Variants in ESRP1 observed in about 807,000 individuals in gnomAD.
The protein encoded by ESRP1 is epithelial splicing regulatory protein 1.
A neutral mutation model predicts 81.7 loss-of-function variants in ESRP1; 33 were observed. The observed-to-expected ratio is 0.40, with a 90% CI of 0.31 to 0.54. The LOEUF (loss-of-function observed/expected upper bound fraction) is 0.54. Ranked by LOEUF, ESRP1 falls within the 20% of genes least tolerant of loss-of-function variation. The pLI is 0.41. For synonymous variants in ESRP1, 320 were observed against 303.3 expected (o/e 1.06, Z -0.57); for missense variants, 672 against 833.1 (o/e 0.81, Z 2.38).
In ESRP1 at chr8:94,705,325, G is replaced by A. The variant is rs995275838; in HGVS notation, c.*36-600G>A. Among the ~76,000 whole-genome samples, 21 of 151,716 alleles carry A rather than the reference G, an allele frequency of 1.4e-4. 1 individual carries two copies. Among genetic ancestry groups the A allele is most frequent in the African/African-American group, 4.4e-4 (18 of 41,336 alleles). ...TGGGAATATAGGCACACACCACTAC[G>A]CCCAGCTAATTTTTGTATTTTTAGT... On this transcript the variant is annotated intron_variant, in intron 15 of 15. Coordinates refer to ENST00000433389, the MANE Select transcript of ESRP1 (RefSeq NM_017697.4).
intron 13 of ESRP1, among the ~76,000 whole-genome samples, chr8:94,686,623 T>C (rs1468440106): frequency 6.6e-6 from 1 of 152,254 alleles, no homozygotes; most frequent in Non-Finnish European, 1.5e-5. Flanking sequence ...CTTGGTCATT[T>C]GTCCCTAACC....
intron 10 of ESRP1, among the ~76,000 whole-genome samples, chr8:94,669,134 G>A (rs1202560946): frequency 6.6e-6 from 1 of 152,158 alleles, no homozygotes; most frequent in Non-Finnish European, 1.5e-5. Context: ...TCCTCAAAAT[G>A]TACTAAGATC....
intron 13 of ESRP1, among the ~76,000 whole-genome samples, chr8:94,682,118 GC>G (rs1808914619): frequency 6.6e-6 from 1 of 152,076 alleles, no homozygotes; most frequent in Non-Finnish European, 1.5e-5. Flanking sequence ...ATTTAGAAGG[GC>G]TTTCTATTTG....
chr8:94,664,120 C>CTTTTTTTT (rs755384250), intron 6 of ESRP1, among the ~76,000 whole-genome samples: 8 of 98,542 alleles, frequency 8.1e-5, no homozygotes, highest in Admixed American at 2.2e-4. Flanking sequence ...ATTTCCTCAG[C>CTTTTTTTT]TTTTTTTTTT....
At chr8:94,705,156 C>CTTTTTTTTTTTTTTTTTTTTTTTTTT (rs57801249) in intron 15 of ESRP1, among the ~76,000 whole-genome samples, 3 of 90,558 alleles carry the variant, frequency 3.3e-5, no homozygotes, top group African/African-American at 1.3e-4. Flanking sequence ...TGCCTTATTG[C>CTTTTTTTTTTTTTTTTTTTTTTTTTT]TTTTTTTTTT....
chr8:94,702,026 T>A (rs1237683803), intron 15 of ESRP1, among the ~76,000 whole-genome samples: 1 of 152,176 alleles, frequency 6.6e-6, no homozygotes, highest in East Asian at 1.9e-4. Flanking sequence ...TGCGGTGAGC[T>A]GTCATCGTGC....
intron 13 of ESRP1, 87 bp from the exon 14 acceptor site, chr8:94,692,590 T>G: frequency 7.0e-7 from 1 of 1,432,106 alleles, no homozygotes; most frequent in South Asian, 1.4e-5. Context: ...CTTGAGAAAT[T>G]CTGTTTCCTT....
rs1378528895 is a variant in ESRP1, at chr8:94,689,014, G to T, written c.1821-3663G>T. ...GCCTGTAATCCCAACACTTTGAGAG[G>T]CCGAGGTGGGCAGATCACTTGAAGC... On this transcript the variant is annotated intron_variant, in intron 13 of 15. Transcript: ENST00000433389. Among the ~76,000 whole-genome samples the T allele has an allele frequency of 3.3e-5, 5 of 152,182 alleles. No homozygotes were observed. The East Asian group carries it at 9.7e-4, about 29-fold the overall frequency.
chr8:94,668,545 T>C (rs1819137319), intron 10 of ESRP1, among the ~76,000 whole-genome samples: 1 of 152,204 alleles, frequency 6.6e-6, no homozygotes, highest in African/African-American at 2.4e-5. Flanking sequence ...TCTTTAAATA[T>C]CTCATGGAAG....
chr8:94,646,059 A>AT (rs149099719), intron 3 of ESRP1, 109 bp from the exon 4 acceptor site: 387,551 of 570,344 alleles, frequency 0.68, 136,416 homozygotes, highest in South Asian at 0.81. Context: ...TAAATTTTAA[A>AT]TTTTTCCATT....
At chr8:94,649,905 C>T (rs186146057) in intron 4 of ESRP1, among the ~76,000 whole-genome samples, 181 of 152,274 alleles carry the variant, frequency 1.2e-3, no homozygotes, top group Admixed American at 3.3e-3. Flanking sequence ...CACATACATA[C>T]ACACTCTCAC....
chr8:94,664,864 C>T, intron 7 of ESRP1, 57 bp downstream of exon 7: 1 of 1,608,554 alleles, frequency 6.2e-7, no homozygotes, highest in South Asian at 1.1e-5. Context: ...AATGGATTTT[C>T]TATCTTTTTT....
intron 12 of ESRP1, among the ~76,000 whole-genome samples, chr8:94,676,369 A>G (rs920142590): frequency 1.3e-5 from 2 of 148,978 alleles, no homozygotes; most frequent in Non-Finnish European, 3.0e-5. Context: ...AAAAAAAGCT[A>G]TCCTTTTGTT....
chr8:94,642,060 G>T lies in ESRP1; in HGVS notation c.237G>T (p.Ser79=). The T allele has an allele frequency of 1.2e-6, 2 of 1,612,888 alleles. No individual in the cohort carries two copies. Among genetic ancestry groups the T allele is most frequent in the Non-Finnish European group, 8.5e-7 (1 of 1,179,842 alleles). The change falls in exon 2 of 16, where the codon TCG becomes TCT. Residue 79 remains serine (S), a synonymous_variant. Transcript: ENST00000433389. ...KIDVESLSSA[S]QLDQALRQFN... ...ACGTCGAAAGCCTGTCCTCGGCGTC[G>T]CAGCTGGACCAAGCCCTCCGACAGG...
At chr8:94,683,644 A>G (rs1809016970) in intron 13 of ESRP1, among the ~76,000 whole-genome samples, 1 of 152,242 alleles carries the variant, frequency 6.6e-6, no homozygotes, top group Admixed American at 6.5e-5. Flanking sequence ...GCAGACAAGA[A>G]TTTAGCATCC....
intron 4 of ESRP1, among the ~76,000 whole-genome samples, chr8:94,654,594 A>AT (rs1818307545): frequency 6.6e-6 from 1 of 152,056 alleles, no homozygotes; most frequent in African/African-American, 2.4e-5. Flanking sequence ...CCAAGAAGTA[A>AT]TATTTGTTAG....
intron 4 of ESRP1, among the ~76,000 whole-genome samples, chr8:94,652,510 T>A (rs1318319868): frequency 6.6e-6 from 1 of 151,898 alleles, no homozygotes; most frequent in Non-Finnish European, 1.5e-5. Flanking sequence ...TTAGATCCCT[T>A]ACGGAAATTA....
intron 13 of ESRP1, chr8:94,688,614 G>T: frequency 4.8e-6 from 1 of 206,352 alleles, no homozygotes; most frequent in Non-Finnish European, 9.8e-6. Context: ...CATGTTCTTG[G>T]GGATATAATA....
chr8:94,660,709 C>CAAAAAAAAAAAAAAAAAAAAAAAAAAA (rs60316449), intron 4 of ESRP1, among the ~76,000 whole-genome samples: 3 of 43,542 alleles, frequency 6.9e-5, no homozygotes, highest in African/African-American at 2.1e-4. Context: ...GAGACTATCT[C>CAAAAAAAAAAAAAAAAAAAAAAAAAAA]AAAAAAAAAA....
Sources: allele counts gnomAD v4.1 joint callset (sites outside exome capture counted in the v4.1 genomes callset), GRCh38; gene constraint gnomAD v4.1.1; transcripts MANE v1.5; gene names NCBI Gene and HGNC (gene_info 2026-07-23, HGNC 2026-07-21).